The following PDE7B variants were observed in gnomAD, a reference collection of about 807,000 sequenced individuals.
PDE7B encodes phosphodiesterase 7B, also known as 3',5'-cyclic-AMP phosphodiesterase 7B.
PDE7B carries 29 observed loss-of-function variants against 56.2 expected under a neutral mutation model. That is an observed-to-expected ratio of 0.52 (90% confidence interval 0.38 to 0.70). The LOEUF (loss-of-function observed/expected upper bound fraction) is 0.70, where lower values mean the gene tolerates loss of function less well. Ranked by LOEUF, PDE7B falls within the 30% of genes least tolerant of loss-of-function variation. PDE7B has a pLI of 0.00. For missense variants in PDE7B, 490 were observed against 565.0 expected (o/e 0.87, Z 1.35); for synonymous variants, 197 against 196.9 (o/e 1.00, Z 0.00).
At chr6:135,877,757 A>AC (rs547819512) in intron 1 of PDE7B, among the ~76,000 whole-genome samples, 6,125 of 145,974 alleles carry the variant, frequency 0.042, 189 homozygotes, top group East Asian at 0.12. Flanking sequence ...CAAAACAAAA[A>AC]AAAAAAAAAA....
intron 4 of PDE7B, among the ~76,000 whole-genome samples, chr6:136,148,125 A>C (rs1778446731): frequency 6.6e-6 from 1 of 152,166 alleles, no homozygotes; most frequent in South Asian, 2.1e-4. Flanking sequence ...CCCCAGTTTA[A>C]ACAGAAGTCG....
At chr6:136,075,804 G>A (rs1370880645) in intron 2 of PDE7B, among the ~76,000 whole-genome samples, 1 of 152,154 alleles carries the variant, frequency 6.6e-6, no homozygotes, top group Non-Finnish European at 1.5e-5. Context: ...AATGCCTCAA[G>A]AGGAGGTACG....
chr6:136,086,384 G>A (rs1777292609), intron 2 of PDE7B, among the ~76,000 whole-genome samples: 1 of 151,826 alleles, frequency 6.6e-6, no homozygotes, highest in Non-Finnish European at 1.5e-5. Flanking sequence ...GGGGATTTAA[G>A]GAGTGGAAAA....
chr6:136,144,822 AG>A (rs1778388226), intron 3 of PDE7B, among the ~76,000 whole-genome samples: 1 of 152,166 alleles, frequency 6.6e-6, no homozygotes, highest in African/African-American at 2.4e-5. Context: ...CATTTGGGGC[AG>A]GAACACAATA....
intron 8 of PDE7B, among the ~76,000 whole-genome samples, chr6:136,172,085 CTG>C (rs1383561612): frequency 1.3e-5 from 2 of 152,210 alleles, no homozygotes; most frequent in African/African-American, 4.8e-5. Context: ...GTGAATAGTG[CTG>C]CTATAAACAT....
At chr6:135,877,088 C>A (rs905055545) in intron 1 of PDE7B, among the ~76,000 whole-genome samples, 1 of 151,744 alleles carries the variant, frequency 6.6e-6, no homozygotes, top group East Asian at 1.9e-4. Flanking sequence ...AAAAATCTAC[C>A]GAATTCTATT....
chr6:135,982,500 T>G (rs1229719779), intron 2 of PDE7B, among the ~76,000 whole-genome samples: 1 of 152,152 alleles, frequency 6.6e-6, no homozygotes, highest in African/African-American at 2.4e-5. Flanking sequence ...CCTTGTTCAA[T>G]CAGGAACTGC....
intron 3 of PDE7B, among the ~76,000 whole-genome samples, chr6:136,137,140 A>G (rs1778225836): frequency 6.6e-6 from 1 of 152,074 alleles, no homozygotes; most frequent in Non-Finnish European, 1.5e-5. Flanking sequence ...GTATAATCCC[A>G]GCTACCCTGG....
rs779975330 is a variant in PDE7B, at chr6:136,191,777, G to A, written c.1290G>A (p.Gly430=). ...QHRSRGSSGS[G]PDHDHAGQGT... ...GAAGCAGGGGCAGCAGTGGCAGCGG[G>A]CCTGACCACGACCACGCAGGCCAAG... is the stretch of plus-strand genomic sequence containing the variant. Residue 430 remains glycine (G), a synonymous_variant, in exon 13 of 13, where the codon GGG becomes GGA. Coordinates refer to ENST00000308191, the MANE Select transcript of PDE7B (RefSeq NM_018945.4). 8.9e-5 allele frequency: 140 copies of A among 1,579,496 alleles called. No individual in the cohort carries two copies. The highest frequency in any genetic ancestry group is 8.5e-4 in the South Asian group (74 of 87,186).
chr6:136,031,565 C>A (rs1776246877), intron 2 of PDE7B, among the ~76,000 whole-genome samples: 1 of 151,600 alleles, frequency 6.6e-6, no homozygotes, highest in Admixed American at 6.6e-5. Context: ...CGGTGAAACC[C>A]CGTCTCTACT....
At chr6:136,055,737 T>A (rs544182410) in intron 2 of PDE7B, among the ~76,000 whole-genome samples, 21 of 152,278 alleles carry the variant, frequency 1.4e-4, no homozygotes, top group Non-Finnish European at 3.1e-4. Context: ...TGTACCTAGA[T>A]CTGCAGTCCA....
chr6:136,074,762 T>G (rs1368529677), intron 2 of PDE7B, among the ~76,000 whole-genome samples: 1 of 152,218 alleles, frequency 6.6e-6, no homozygotes, highest in East Asian at 1.9e-4. Context: ...TGGATCTCAT[T>G]CTTTTTTATG....
intron 2 of PDE7B, among the ~76,000 whole-genome samples, chr6:136,058,865 G>T (rs1177731968): frequency 6.6e-6 from 1 of 152,140 alleles, no homozygotes; most frequent in Non-Finnish European, 1.5e-5. Context: ...AACCATTGAG[G>T]ACACTGATTT....
intron 1 of PDE7B, among the ~76,000 whole-genome samples, chr6:135,867,366 T>C (rs1190759664): frequency 2.0e-5 from 3 of 152,214 alleles, no homozygotes; most frequent in Non-Finnish European, 4.4e-5. Flanking sequence ...TATATGTTAC[T>C]AAATGTATGC....
At chr6:135,939,620 C>G (rs1299930396) in intron 1 of PDE7B, among the ~76,000 whole-genome samples, 1 of 152,148 alleles carries the variant, frequency 6.6e-6, no homozygotes, top group Non-Finnish European at 1.5e-5. Flanking sequence ...GTAGACAGGA[C>G]TCTGCATAAA....
chr6:136,116,739 G>A (rs536932297), intron 3 of PDE7B, among the ~76,000 whole-genome samples: 4 of 152,336 alleles, frequency 2.6e-5, no homozygotes, highest in African/African-American at 7.2e-5. Context: ...CTAAAGTGCA[G>A]AGGAGAGGTC....
intron 2 of PDE7B, among the ~76,000 whole-genome samples, chr6:136,084,159 T>C (rs1777250480): frequency 6.6e-6 from 1 of 152,176 alleles, no homozygotes; most frequent in African/African-American, 2.4e-5. Flanking sequence ...AAATTATTTA[T>C]CCATATGAAA....
At chr6:136,078,917 CTA>C (rs1202612031) in intron 2 of PDE7B, among the ~76,000 whole-genome samples, 1 of 152,102 alleles carries the variant, frequency 6.6e-6, no homozygotes, top group Non-Finnish European at 1.5e-5. Flanking sequence ...CAGGGAAACT[CTA>C]TTTTATTAAT....
intron 1 of PDE7B, among the ~76,000 whole-genome samples, chr6:135,920,589 A>C (rs749434431): frequency 6.6e-6 from 1 of 152,160 alleles, no homozygotes; most frequent in African/African-American, 2.4e-5. Flanking sequence ...CAAAGTCTCC[A>C]TGAGTCTAAC....
Sources: allele counts gnomAD v4.1 joint callset (sites outside exome capture counted in the v4.1 genomes callset), GRCh38; gene constraint gnomAD v4.1.1; transcripts MANE v1.5; gene names NCBI Gene and HGNC (gene_info 2026-07-23, HGNC 2026-07-21).